The following MAEA variants were observed in gnomAD, a reference collection of about 807,000 sequenced individuals.
MAEA encodes the protein E3 ubiquitin-protein transferase MAEA.
MAEA carries 22 observed loss-of-function variants against 46.2 expected under a neutral mutation model. The observed-to-expected ratio is 0.48, with a 90% CI of 0.34 to 0.68. MAEA has a LOEUF of 0.68. MAEA is among the 30% of genes least tolerant of loss of function. The pLI is 0.01. For missense variants in MAEA, 393 were observed against 558.1 expected (o/e 0.70, Z 2.98); for synonymous variants, 246 against 222.6 (o/e 1.11, Z -0.94).
chr4:1,313,458 G>A (rs994287761), intron 2 of MAEA, among the ~76,000 whole-genome samples: 16 of 152,158 alleles, frequency 1.1e-4, no homozygotes, highest in African/African-American at 2.7e-4. Flanking sequence ...GGCTGGGCGC[G>A]GTGGCTCACA....
intron 3 of MAEA, among the ~76,000 whole-genome samples, chr4:1,318,320 G>A (rs928433841): frequency 6.6e-6 from 1 of 152,256 alleles, no homozygotes; most frequent in Middle Eastern, 3.2e-3. Context: ...AATGTGCGCT[G>A]TGTTGGGGGA....
At chr4:1,296,780 C>T (rs977424653) in intron 1 of MAEA, among the ~76,000 whole-genome samples, 6 of 152,158 alleles carry the variant, frequency 3.9e-5, no homozygotes, top group African/African-American at 7.2e-5. Flanking sequence ...CTCCTGAAAG[C>T]GGTCAGTCCA....
chr4:1,294,428 A>C lies in MAEA; in HGVS notation c.69+4446A>C, dbSNP rs145511108. Among the ~76,000 whole-genome samples the C allele has an allele frequency of 3.3e-5, 5 of 152,112 alleles. No individual in the cohort carries two copies. The East Asian group carries it at 9.7e-4, about 29-fold the overall frequency. On this transcript the variant is annotated intron_variant, in intron 1 of 8. Transcript: ENST00000303400. ...AAGTATTATTTTTTTAACACATTTC[A>C]AGTCAAGAAAGTGCTTTTTAATGCC...
chr4:1,306,162 A>G (rs1486786779), intron 1 of MAEA, among the ~76,000 whole-genome samples: 1 of 152,148 alleles, frequency 6.6e-6, no homozygotes, highest in African/African-American at 2.4e-5. Context: ...CACCCAGAAT[A>G]ATACTTGGCC....
intron 4 of MAEA, among the ~76,000 whole-genome samples, chr4:1,322,771 A>G (rs1019931894): frequency 1.3e-5 from 2 of 152,118 alleles, no homozygotes; most frequent in African/African-American, 4.8e-5. Flanking sequence ...ATGTGCACAC[A>G]GAGTGTTGGG....
chr4:1,331,936 T>A (rs1245562516), intron 5 of MAEA: 1 of 152,716 alleles, frequency 6.5e-6, no homozygotes, highest in Admixed American at 6.5e-5. Context: ...TCAGGAAAGA[T>A]CGTGGCTGCA....
intron 1 of MAEA, chr4:1,298,056 CG>C (rs1560327964): frequency 6.6e-6 from 3 of 456,282 alleles, no homozygotes; most frequent in South Asian, 4.6e-5. Flanking sequence ...GAGTGGGTGT[CG>C]AGTACTGCCT....
chr4:1,322,762 T>C (rs1428734266), intron 4 of MAEA, among the ~76,000 whole-genome samples: 2 of 152,092 alleles, frequency 1.3e-5, no homozygotes, highest in African/African-American at 2.4e-5. Flanking sequence ...AGGCTGACCA[T>C]GTGCACACAG....
At chr4:1,321,820 C>T (rs954433188) in intron 3 of MAEA, among the ~76,000 whole-genome samples, 19 of 151,808 alleles carry the variant, frequency 1.3e-4, no homozygotes, top group African/African-American at 4.4e-4. Flanking sequence ...CCCCTGTGCC[C>T]GGCCACTAGC....
chr4:1,295,466 C>T (rs904706933), intron 1 of MAEA, among the ~76,000 whole-genome samples: 1 of 151,932 alleles, frequency 6.6e-6, no homozygotes, highest in Non-Finnish European at 1.5e-5. Flanking sequence ...AGTGCTGCCC[C>T]ACTCGAGGGA....
chr4:1,334,838 T>A lies in MAEA; in HGVS notation c.765+1973T>A, dbSNP rs535557012. 37 of 984,852 alleles carry A rather than the reference T, an allele frequency of 3.8e-5. No homozygotes were observed. In the South Asian group the frequency reaches 1.4e-3, roughly 36 times the overall value. The allele number at this position is 984,852 out of a possible 1,614,324, so 61.0% of individuals were successfully genotyped here. On this transcript the variant is annotated intron_variant, in intron 6 of 8. Transcript: ENST00000303400. Reference sequence around the variant, plus strand: ...GAGTGAGGATGCCAGGAGCTGTTCTTCTCAGTGAGGACCTTCTGGACTGTG... The same window carrying A: ...GAGTGAGGATGCCAGGAGCTGTTCTACTCAGTGAGGACCTTCTGGACTGTG...
At chr4:1,333,026 C>T (rs779060488) in intron 6 of MAEA, among the ~76,000 whole-genome samples, 161 bp downstream of exon 6, 4 of 152,114 alleles carry the variant, frequency 2.6e-5, no homozygotes, top group Admixed American at 6.5e-5. Flanking sequence ...GTTTGACTCC[C>T]ATTTTGCTCA....
intron 1 of MAEA, chr4:1,298,204 C>T: frequency 2.5e-6 from 1 of 400,304 alleles, no homozygotes; most frequent in South Asian, 1.8e-5. Flanking sequence ...CTGTCTGTCG[C>T]CTGCCTGCTT....
intron 1 of MAEA, chr4:1,309,377 G>T: frequency 8.1e-7 from 1 of 1,229,594 alleles, no homozygotes; most frequent in Admixed American, 3.9e-5. Flanking sequence ...CCAGTGGAGG[G>T]GAGCTTTTAG....
chr4:1,332,841 C>T lies in MAEA; in HGVS notation c.741C>T (p.Pro247=), dbSNP rs146021165. 117 of 1,612,942 alleles carry T rather than the reference C, an allele frequency of 7.3e-5. No homozygotes were observed. The highest frequency in any genetic ancestry group is 4.1e-4 in the African/African-American group (31 of 75,030). The change falls in exon 6 of 9, where the codon CCC becomes CCT. Residue 247 remains proline, a synonymous_variant. Coordinates refer to ENST00000303400, the MANE Select transcript of MAEA (RefSeq NM_001017405.3). ...CCATGGGCATGCTGGCCTTCCCGCC[C>T]GACACGCACATCTCCCCGTACAAGG... ...RQAMGMLAFP[P]DTHISPYKDL...
intron 2 of MAEA, among the ~76,000 whole-genome samples, chr4:1,314,133 G>C (rs1444288494): frequency 6.6e-6 from 1 of 152,088 alleles, no homozygotes; most frequent in African/African-American, 2.4e-5. Flanking sequence ...TTCAAGACCA[G>C]CCTGGCCAAC....
chr4:1,302,410 T>G (rs967091065), intron 1 of MAEA, among the ~76,000 whole-genome samples: 5 of 152,274 alleles, frequency 3.3e-5, no homozygotes, highest in African/African-American at 9.6e-5. Flanking sequence ...GCCAGTCATA[T>G]ATCTGTTAAG....
intron 5 of MAEA, chr4:1,330,263 A>C (rs1254732242): frequency 1.0e-5 from 4 of 389,960 alleles, no homozygotes. Flanking sequence ...GCACACCCAC[A>C]CCTCAGCCTG....
intron 8 of MAEA, 27 bp from the exon 9 acceptor site, chr4:1,339,047 T>C (rs1713187479): frequency 6.4e-7 from 1 of 1,559,470 alleles, no homozygotes; most frequent in African/African-American, 1.4e-5. Context: ...TCGCTTGCCT[T>C]AATGCATTCC....
Sources: gnomAD v4.1 joint callset for allele counts (sites outside exome capture counted in the v4.1 genomes callset) on GRCh38, gnomAD v4.1.1 for gene constraint, MANE v1.5 for transcripts, NCBI Gene and HGNC (gene_info 2026-07-23, HGNC 2026-07-21) for gene names.